PCTP: variants seen among roughly 807,000 people sequenced by gnomAD.
PCTP encodes the protein phosphatidylcholine transfer protein.
PCTP carries 27 observed loss-of-function variants against 31.0 expected under a neutral mutation model. The observed-to-expected ratio is 0.87, with a 90% CI of 0.64 to 1.20. The LOEUF is 1.20. Among genes scored for constraint, PCTP ranks in the 50% most tolerant of loss-of-function variants. The pLI, the probability that PCTP is intolerant of heterozygous loss-of-function variation, is 0.00. For missense variants in PCTP, 287 were observed against 268.2 expected, an observed-to-expected ratio of 1.07 and a Z score of -0.49; for synonymous variants, 108 against 101.2, an observed-to-expected ratio of 1.07 and a Z score of -0.40.
downstream of PCTP, among the ~76,000 whole-genome samples, chr17:55,780,989 C>A (rs141248129): frequency 2.0e-5 from 3 of 149,764 alleles, no homozygotes; most frequent in African/African-American, 4.9e-5. Context: ...AAATAGACTT[C>A]TTTCTTATTT....
intron 3 of PCTP, among the ~76,000 whole-genome samples, chr17:55,821,286 A>T (rs1377683591): frequency 2.0e-5 from 3 of 152,214 alleles, no homozygotes; most frequent in Admixed American, 6.5e-5. Flanking sequence ...TTCACAAAGG[A>T]TCATATATCA....
intron 3 of PCTP, among the ~76,000 whole-genome samples, chr17:55,808,050 C>A (rs897674449): frequency 1.3e-5 from 2 of 152,054 alleles, no homozygotes; most frequent in African/African-American, 4.8e-5. Context: ...TCCTAGGTCC[C>A]AAGTCTTGTG....
intron 3 of PCTP, among the ~76,000 whole-genome samples, chr17:55,801,438 T>C (rs138654691): frequency 2.6e-5 from 4 of 152,254 alleles, no homozygotes; most frequent in East Asian, 1.9e-4. Flanking sequence ...ATCACACTTA[T>C]TCTAAAACTG....
intron 3 of PCTP, among the ~76,000 whole-genome samples, chr17:55,792,487 T>C (rs1224740507): frequency 2.0e-5 from 3 of 151,882 alleles, no homozygotes; most frequent in Non-Finnish European, 4.4e-5. Context: ...TAAAATAAAA[T>C]AAAATATCTC....
At chr17:55,829,042 C>G (rs12600942) in intron 5 of PCTP, among the ~76,000 whole-genome samples, 49,968 of 151,776 alleles carry the variant, frequency 0.33, 8,590 homozygotes, top group African/African-American at 0.45. Flanking sequence ...CTGAGGACCA[C>G]AGCCATGGGG....
intron 1 of PCTP, among the ~76,000 whole-genome samples, chr17:55,756,978 T>G (rs890910361): frequency 1.3e-5 from 2 of 152,122 alleles, no homozygotes; most frequent in Non-Finnish European, 2.9e-5. Flanking sequence ...TTTTTCATTT[T>G]GAAATCTCAG....
intron 3 of PCTP, among the ~76,000 whole-genome samples, chr17:55,819,010 C>CAAAAAAAAAAAAA (rs56823756): frequency 1.4e-3 from 71 of 51,082 alleles, no homozygotes; most frequent in African/African-American, 1.7e-3. Context: ...GGAAAGAAAT[C>CAAAAAAAAAAAAA]AAAAAAAAAA....
intron 5 of PCTP, among the ~76,000 whole-genome samples, chr17:55,840,652 A>G (rs1002062628): frequency 1.3e-5 from 2 of 152,230 alleles, no homozygotes; most frequent in Admixed American, 6.5e-5. Flanking sequence ...GCATATTGTT[A>G]TAATTGTTCT....
At chr17:55,848,175 G>T in the PCTP span, among the ~76,000 whole-genome samples, 1 of 152,152 alleles carries the variant, frequency 6.6e-6, no homozygotes, top group African/African-American at 2.4e-5. Flanking sequence ...CTCCCCAGTT[G>T]CTGAGATTAC....
intron 3 of PCTP, among the ~76,000 whole-genome samples, chr17:55,811,676 G>C (rs1307046154): frequency 6.6e-6 from 1 of 152,196 alleles, no homozygotes; most frequent in African/African-American, 2.4e-5. Context: ...CTGGGATGTC[G>C]TCACTGTGGT....
intron 3 of PCTP, among the ~76,000 whole-genome samples, chr17:55,771,813 G>T (rs567707029): frequency 6.6e-6 from 1 of 152,230 alleles, no homozygotes; most frequent in South Asian, 2.1e-4. Flanking sequence ...GGACTAAGCT[G>T]GGGGGCTAGG....
At chr17:55,850,010 A>T in the PCTP span, among the ~76,000 whole-genome samples, 2 of 152,144 alleles carry the variant, frequency 1.3e-5, no homozygotes, top group Non-Finnish European at 2.9e-5. Flanking sequence ...TTAAATAAGA[A>T]AGACTTCATG....
At chr17:55,831,390 A>G (rs1413651282) in intron 5 of PCTP, among the ~76,000 whole-genome samples, 1 of 152,208 alleles carries the variant, frequency 6.6e-6, no homozygotes, top group Non-Finnish European at 1.5e-5. Context: ...AGGCTGGACA[A>G]CTGAGGAGGG....
At chr17:55,814,560 C>T (rs147460221) in intron 3 of PCTP, among the ~76,000 whole-genome samples, 12 of 152,284 alleles carry the variant, frequency 7.9e-5, no homozygotes, top group East Asian at 3.9e-4. Flanking sequence ...TAGTCATTGA[C>T]GCAGGAAATA....
downstream of PCTP, among the ~76,000 whole-genome samples, chr17:55,845,209 G>C (rs1226763729): frequency 2.0e-5 from 3 of 151,234 alleles, no homozygotes; most frequent in Non-Finnish European, 4.4e-5. Context: ...AGATGCTTTA[G>C]AGCAGGGTTC....
intron 3 of PCTP, among the ~76,000 whole-genome samples, chr17:55,788,622 A>G (rs1249535394): frequency 1.3e-5 from 2 of 152,190 alleles, no homozygotes; most frequent in African/African-American, 4.8e-5. Flanking sequence ...TAGTGATTAT[A>G]TAGTCAGAAT....
Position 55,776,157 on chromosome 17 carries a change from C to A in PCTP, c.*57C>A. The A allele has an allele frequency of 6.2e-7, 1 of 1,603,174 alleles. No homozygotes were observed. Among genetic ancestry groups the A allele is most frequent in the Non-Finnish European group, 8.5e-7 (1 of 1,174,774 alleles). On this transcript the variant is annotated 3_prime_UTR_variant, in exon 6 of 6. Coordinates refer to ENST00000268896, the MANE Select transcript of PCTP (RefSeq NM_021213.4). Reference sequence around the variant, plus strand: ...TTGATGTCTCTGGAAGTGCAACCACCCAATGTCTCTGGAAGTGCCACCTGG... The same window carrying A: ...TTGATGTCTCTGGAAGTGCAACCACACAATGTCTCTGGAAGTGCCACCTGG...
At chr17:55,799,309 A>G (rs576997826) in intron 3 of PCTP, among the ~76,000 whole-genome samples, 3 of 152,160 alleles carry the variant, frequency 2.0e-5, no homozygotes, top group African/African-American at 2.4e-5. Context: ...ACAGAAAGAT[A>G]GCATAACCTT....
At chr17:55,834,998 C>T (rs964615346) in intron 5 of PCTP, among the ~76,000 whole-genome samples, 2 of 152,140 alleles carry the variant, frequency 1.3e-5, no homozygotes, top group South Asian at 2.1e-4. Flanking sequence ...AAATCCAATA[C>T]GATTATGGCC....
Sources: allele counts gnomAD v4.1 joint callset (sites outside exome capture counted in the v4.1 genomes callset), GRCh38; gene constraint gnomAD v4.1.1; transcripts MANE v1.5; gene names NCBI Gene and HGNC (gene_info 2026-07-23, HGNC 2026-07-21).